COL4A5: variants seen among roughly 807,000 people sequenced by gnomAD.
The protein encoded by COL4A5 is collagen alpha-5(IV) chain.
In COL4A5, 26 loss-of-function variants were observed where a neutral mutation model predicts 130.2. The observed-to-expected ratio is 0.20, with a 90% confidence interval of 0.15 to 0.28. COL4A5 has a LOEUF of 0.28. Ranked by LOEUF, COL4A5 falls within the 10% of genes least tolerant of loss-of-function variation. COL4A5 has a pLI of 1.00. For synonymous variants in COL4A5, 496 were observed against 439.6 expected (o/e 1.13, Z -1.60); for missense variants, 1,131 against 1,344.3 (o/e 0.84, Z 2.48).
intron 36 of COL4A5, among the ~76,000 whole-genome samples, chrX:108,645,791 T>C (rs973031286): frequency 9.8e-6 from 1 of 101,858 alleles, no homozygotes; most frequent in Non-Finnish European, 2.0e-5. Flanking sequence ...CCATGTGTTC[T>C]CACTGTTCAA....
chrX:108,464,992 A>G (rs970198145), intron 1 of COL4A5, among the ~76,000 whole-genome samples: 2 of 112,163 alleles, frequency 1.8e-5, no homozygotes, highest in African/African-American at 6.5e-5. Flanking sequence ...GCACACCCAC[A>G]ACATTTTCAA....
intron 8 of COL4A5, among the ~76,000 whole-genome samples, chrX:108,572,122 C>T (rs996895193): frequency 9.0e-6 from 1 of 111,548 alleles, no homozygotes; most frequent in African/African-American, 3.3e-5. Context: ...CACTTACTCT[C>T]TGTAGAATTA....
At chrX:108,614,857 G>C in intron 29 of COL4A5, 54 bp from the exon 30 acceptor site, 2 of 842,010 alleles carry the variant, frequency 2.4e-6, no homozygotes, top group Non-Finnish European at 3.6e-6. Flanking sequence ...GGTTCCCAAG[G>C]ACTAGTGACT....
intron 16 of COL4A5, 189 bp from the exon 17 acceptor site, chrX:108,582,695 C>CTTTT: frequency 8.1e-6 from 2 of 248,196 alleles, no homozygotes; most frequent in Non-Finnish European, 7.0e-6. Flanking sequence ...CAAGATTCAG[C>CTTTT]TTTTTTTTTT....
chrX:108,470,509 T>G (rs2147506777), intron 1 of COL4A5, among the ~76,000 whole-genome samples: 1 of 111,719 alleles, frequency 9.0e-6, no homozygotes, highest in South Asian at 3.8e-4. Context: ...GTCTTTTGCT[T>G]GTTGAATTAA....
intron 19 of COL4A5, among the ~76,000 whole-genome samples, chrX:108,589,500 A>T (rs2066396411): frequency 9.0e-6 from 1 of 111,411 alleles, no homozygotes; most frequent in Admixed American, 9.5e-5. Flanking sequence ...GACTAAAATA[A>T]AATTGAAATT....
intron 1 of COL4A5, among the ~76,000 whole-genome samples, chrX:108,451,920 A>G (rs748610631): frequency 9.0e-6 from 1 of 111,323 alleles, no homozygotes; most frequent in Non-Finnish European, 1.9e-5. Context: ...AGTCCTTGCC[A>G]ATGCCTAGGT....
chrX:108,641,006 G>A (rs1388701701), intron 36 of COL4A5, among the ~76,000 whole-genome samples: 1 of 111,759 alleles, frequency 8.9e-6, no homozygotes, highest in African/African-American at 3.3e-5. Context: ...TTATGAAAAT[G>A]CAAATCAAAA....
At chrX:108,501,632 A>C (rs1041793786) in intron 1 of COL4A5, among the ~76,000 whole-genome samples, 1 of 112,270 alleles carries the variant, frequency 8.9e-6, no homozygotes, top group Admixed American at 9.4e-5. Context: ...GGTCCTAATC[A>C]GAAAGCCATC....
In COL4A5 at chrX:108,696,413, GATATAT is replaced by G; in HGVS notation, c.*45_*50del. The G allele has an allele frequency of 9.7e-7, 1 of 1,030,010 alleles. No homozygotes were observed. 84.9% of individuals were successfully genotyped at this position (1,030,010 alleles called of 1,213,427 possible). Reference sequence around the variant, plus strand: ...GAATTCCTTTTGTGTTTTAAAATGTGATATATATATATATAAAATTCCTAGGATGCA... The same window carrying G: ...GAATTCCTTTTGTGTTTTAAAATGTGATATATATAAAATTCCTAGGATGCA... On this transcript the variant is annotated 3_prime_UTR_variant, in exon 53 of 53. Transcript: ENST00000328300.
rs1260806577 is a variant in COL4A5 at position 108,516,642 on chromosome X, T to TGGG, written c.82-23104_82-23103insGGG. Among the ~76,000 whole-genome samples, 65 of 112,059 alleles carry TGGG rather than the reference T, an allele frequency of 5.8e-4. No individual in the cohort carries two copies. The East Asian group carries it at 0.017, about 29-fold the overall frequency. On this transcript the variant is annotated intron_variant, in intron 1 of 52. Transcript: ENST00000328300. ...TTATTTCCCAGTTTTCTTTTTACAG[T>TGGG]AAGGCTATATCTGTTGATTAACTCA...
chrX:108,556,574 G>A (rs1292495661), intron 2 of COL4A5, among the ~76,000 whole-genome samples: 2 of 111,199 alleles, frequency 1.8e-5, no homozygotes, highest in African/African-American at 3.3e-5. Context: ...AGCATAAACC[G>A]GTTTTTTTTA....
intron 2 of COL4A5, among the ~76,000 whole-genome samples, chrX:108,557,194 A>G (rs1356128891): frequency 1.8e-5 from 2 of 111,256 alleles, no homozygotes; most frequent in East Asian, 5.7e-4. Flanking sequence ...TACTGTAACT[A>G]GATTTTTTTT....
intron 2 of COL4A5, among the ~76,000 whole-genome samples, chrX:108,543,583 C>T (rs1347076155): frequency 3.6e-5 from 4 of 111,135 alleles, no homozygotes; most frequent in African/African-American, 1.3e-4. Flanking sequence ...ACTGACTTGG[C>T]GATGCAGGCT....
intron 1 of COL4A5, among the ~76,000 whole-genome samples, chrX:108,518,086 A>G (rs2065236307): frequency 9.0e-6 from 1 of 111,249 alleles, no homozygotes; most frequent in African/African-American, 3.3e-5. Context: ...AAAAGTTGCT[A>G]TTGAATAAAA....
intron 1 of COL4A5, among the ~76,000 whole-genome samples, chrX:108,473,767 G>A (rs997463102): frequency 2.0e-4 from 21 of 103,586 alleles, no homozygotes; most frequent in Non-Finnish European, 3.8e-4. Context: ...AAGTAGCTGG[G>A]ATCACAGGCA....
chrX:108,684,949 A>G (rs1165341776), intron 47 of COL4A5, among the ~76,000 whole-genome samples: 1 of 112,543 alleles, frequency 8.9e-6, no homozygotes, highest in Non-Finnish European at 1.9e-5. Flanking sequence ...CTGGTTCAAC[A>G]TACACAAATT....
intron 37 of COL4A5, among the ~76,000 whole-genome samples, chrX:108,657,786 TG>T (rs924040996): frequency 5.4e-5 from 6 of 111,543 alleles, no homozygotes; most frequent in African/African-American, 1.9e-4. Flanking sequence ...AGTTGTTTCT[TG>T]GAAGTATATG....
intron 1 of COL4A5, among the ~76,000 whole-genome samples, chrX:108,447,808 G>A (rs909364999): frequency 2.7e-5 from 3 of 111,172 alleles, no homozygotes; most frequent in Non-Finnish European, 3.8e-5. Context: ...TAGCAGCTAC[G>A]GAACAGAAGT....
Sources: allele counts gnomAD v4.1 joint callset (sites outside exome capture counted in the v4.1 genomes callset), GRCh38; gene constraint gnomAD v4.1.1; transcripts MANE v1.5; gene names NCBI Gene and HGNC (gene_info 2026-07-23, HGNC 2026-07-21).